Variants in VASH2 observed in about 807,000 individuals in gnomAD.
The protein encoded by VASH2 is vasohibin 2.
VASH2 carries 28 observed loss-of-function variants against 37.2 expected under a neutral mutation model. That is an observed-to-expected ratio of 0.75 (90% CI 0.56 to 1.03). The LOEUF (loss-of-function observed/expected upper bound fraction) is 1.03. Among genes scored for constraint, VASH2 ranks in the 50% least tolerant of loss-of-function variants. The probability of loss-of-function intolerance (pLI) is 0.00; values close to 1 mark genes in which losing one functional copy is unlikely to be tolerated. For synonymous variants in VASH2, 188 were observed against 174.7 expected, an observed-to-expected ratio of 1.08 and a Z score of -0.60; for missense variants, 419 against 459.1, an observed-to-expected ratio of 0.91 and a Z score of 0.80.
intron 5 of VASH2, among the ~76,000 whole-genome samples, chr1:212,970,866 G>T (rs1266475613): frequency 2.6e-5 from 4 of 151,228 alleles, no homozygotes; most frequent in Non-Finnish European, 5.9e-5. Context: ...CTCCAGCCTG[G>T]GTGACAGAGT....
chr1:212,964,234 G>A (rs916273255), intron 3 of VASH2, among the ~76,000 whole-genome samples: 2 of 152,154 alleles, frequency 1.3e-5, no homozygotes, highest in Non-Finnish European at 2.9e-5. Context: ...CTCTTCAAGG[G>A]GTTACGTGTG....
At chr1:212,970,345 G>A (rs897134205) in intron 5 of VASH2, among the ~76,000 whole-genome samples, 1 of 152,124 alleles carries the variant, frequency 6.6e-6, no homozygotes, top group Non-Finnish European at 1.5e-5. Context: ...ATGAGGGACT[G>A]GTGCTCTCTC....
Position 212,988,645 on chromosome 1 carries a change from A to G in VASH2, c.*61A>G. On this transcript the variant is annotated 3_prime_UTR_variant, in exon 8 of 8. Coordinates refer to ENST00000517399, the MANE Select transcript of VASH2 (RefSeq NM_001301056.2). ...TGCTTCTCTCTGCACTTTACCCAGC[A>G]TCTTCAGGAGGAACTGCAACTATTT... The G allele has an allele frequency of 3.9e-6, 6 of 1,537,906 alleles. No homozygotes were observed. The highest frequency in any genetic ancestry group is 4.5e-6 in the Non-Finnish European group (5 of 1,111,914).
At chr1:212,956,136 T>C (rs1462830988) in intron 2 of VASH2, among the ~76,000 whole-genome samples, 1 of 152,222 alleles carries the variant, frequency 6.6e-6, no homozygotes, top group Non-Finnish European at 1.5e-5. Context: ...GTCTTTCCCT[T>C]CTCTGCCACA....
chr1:212,956,214 G>A (rs1666484538), intron 2 of VASH2, among the ~76,000 whole-genome samples: 1 of 152,112 alleles, frequency 6.6e-6, no homozygotes, highest in African/African-American at 2.4e-5. Flanking sequence ...GGTCAGTTGT[G>A]CTTCACAAGA....
chr1:212,980,069 C>T (rs996779940), intron 7 of VASH2, among the ~76,000 whole-genome samples: 1 of 152,114 alleles, frequency 6.6e-6, no homozygotes, highest in African/African-American at 2.4e-5. Context: ...TTGCTAGGGC[C>T]GGGGGCCTGA....
At chr1:212,959,093 G>A (rs1666589438) in intron 2 of VASH2, among the ~76,000 whole-genome samples, 1 of 152,010 alleles carries the variant, frequency 6.6e-6, no homozygotes, top group African/African-American at 2.4e-5. Context: ...TTTCTCTCTC[G>A]TTCGTTCGTA....
intron 3 of VASH2, 31 bp downstream of exon 3, chr1:212,961,285 C>A (rs1435419608): frequency 1.9e-6 from 3 of 1,613,958 alleles, no homozygotes; most frequent in Non-Finnish European, 2.5e-6. Flanking sequence ...TGAGCACACC[C>A]AGCCAGGGGA....
rs1341046676 is a variant in VASH2 at position 212,988,218 on chromosome 1, C to CA, written c.996-290dup. ...TGCAAGGTTCAAGAGTACTGGGTTT[C>CA]AAAAGCTATAATGTGACCAAAGTCA... On this transcript the variant is annotated intron_variant, in intron 7 of 7. Coordinates refer to ENST00000517399, the MANE Select transcript of VASH2 (RefSeq NM_001301056.2). 3.9e-5 allele frequency among the ~76,000 whole-genome samples: 6 copies of CA among 152,172 alleles called. No homozygotes were observed. In the East Asian group the frequency reaches 1.2e-3, roughly 29 times the overall value.
chr1:212,961,310 G>T, intron 3 of VASH2, 56 bp downstream of exon 3: 1 of 1,611,360 alleles, frequency 6.2e-7, no homozygotes, highest in South Asian at 1.1e-5. Context: ...CATGGTGATC[G>T]CAAGCCTGGT....
At chr1:212,986,829 GAGACACAA>G (rs984768803) in intron 7 of VASH2, among the ~76,000 whole-genome samples, 2 of 152,156 alleles carry the variant, frequency 1.3e-5, no homozygotes, top group African/African-American at 2.4e-5. Context: ...GCTATGGGGA[GAGACACAA>G]AGAAATAAGA....
chr1:212,988,947 A>G lies in VASH2; in HGVS notation c.*363A>G, dbSNP rs1039325474. On this transcript the variant is annotated 3_prime_UTR_variant, in exon 8 of 8. Transcript: ENST00000517399. The stretch of plus-strand genomic sequence containing the variant: ...TGAAATAATCTCTTGAACTTTTGGT[A>G]TAGTAAGGTAACTCTAACAGTATTA... The G allele has an allele frequency of 4.4e-6, 1 of 225,890 alleles. No homozygotes were observed. 14.0% of individuals were successfully genotyped at this position (225,890 alleles called of 1,614,324 possible).
intron 3 of VASH2, among the ~76,000 whole-genome samples, chr1:212,964,491 G>A (rs747542692): frequency 6.6e-6 from 1 of 152,192 alleles, no homozygotes; most frequent in Non-Finnish European, 1.5e-5. Flanking sequence ...CTTCTCATTA[G>A]GCTCAGAAAA....
intron 7 of VASH2, among the ~76,000 whole-genome samples, chr1:212,980,277 T>C (rs1667305880): frequency 6.6e-6 from 1 of 152,226 alleles, no homozygotes; most frequent in Admixed American, 6.5e-5. Context: ...GATTTTCTGG[T>C]TTTGCAGCCA....
At chr1:212,988,360 A>G in intron 7 of VASH2, 152 bp from the exon 8 acceptor site, 1 of 704,768 alleles carries the variant, frequency 1.4e-6, no homozygotes, top group Non-Finnish European at 2.5e-6. Flanking sequence ...CAAGAAGTAG[A>G]GTTGTGAGCT....
chr1:212,951,494 TGCC>T lies in VASH2; in HGVS notation c.-40_-38del, dbSNP rs1192093183. On this transcript the variant is annotated 5_prime_UTR_variant, in exon 2 of 8. Transcript: ENST00000517399. This position sits in a 1 kb window ranked among gnomAD's most constrained non-coding sequence, Gnocchi z 4.4. The stretch of plus-strand genomic sequence containing the variant: ...ACACGCCCCCCGCCGCCGCCGCCGC[TGCC>T]GCCGCCGCGCGCCCCCAGTACCTCG... The T allele has an allele frequency of 5.9e-6, 7 of 1,191,574 alleles. No homozygotes were observed. Among genetic ancestry groups the T allele is most frequent in the Admixed American group, 4.5e-5 (1 of 22,356 alleles). 73.8% of individuals were successfully genotyped at this position (1,191,574 alleles called of 1,614,324 possible).
At chr1:212,982,274 T>C (rs1667361486) in intron 7 of VASH2, among the ~76,000 whole-genome samples, 1 of 152,144 alleles carries the variant, frequency 6.6e-6, no homozygotes, top group Non-Finnish European at 1.5e-5. Flanking sequence ...GCAAAGTGAG[T>C]CAAAGTAAAG....
At position 212,951,438 on chromosome 1, in the gene VASH2, G is replaced by C; in HGVS notation, c.-105G>C. The C allele has an allele frequency of 1.7e-6, 1 of 582,804 alleles. No individual in the cohort carries two copies. The highest frequency in any genetic ancestry group is 7.1e-5 in the South Asian group (1 of 14,122). 36.1% of individuals were successfully genotyped at this position (582,804 alleles called of 1,614,324 possible). ...AGGCATGGAGAAGGCCGCCCCCGCG[G>C]GGCGCTGATCCCCTCGCCGCGCCCG... On this transcript the variant is annotated 5_prime_UTR_variant, in exon 2 of 8. Transcript: ENST00000517399. The surrounding 1 kb of genome is among the most constrained non-coding windows in gnomAD (Gnocchi z 4.4).
intron 3 of VASH2, among the ~76,000 whole-genome samples, chr1:212,964,493 C>T (rs781403238): frequency 2.7e-4 from 41 of 152,308 alleles, no homozygotes; most frequent in Non-Finnish European, 4.1e-4. Flanking sequence ...TCTCATTAGG[C>T]TCAGAAAAAT....
Sources: allele counts gnomAD v4.1 joint callset (sites outside exome capture counted in the v4.1 genomes callset), GRCh38; gene constraint gnomAD v4.1.1; non-coding constraint Gnocchi (gnomAD v3.1); transcripts MANE v1.5; gene names NCBI Gene and HGNC (gene_info 2026-07-23, HGNC 2026-07-21).